TRIM69: variants seen among roughly 807,000 people sequenced by gnomAD.
TRIM69 encodes tripartite motif containing 69, also known as E3 ubiquitin-protein ligase TRIM69.
Under a neutral mutation model 37.7 loss-of-function variants are expected in TRIM69, and 29 were observed. The ratio of observed to expected loss-of-function variants is 0.77; its 90% confidence interval spans 0.57 to 1.05. TRIM69 has a LOEUF of 1.05. Ranked by LOEUF, TRIM69 falls within the 50% of genes least tolerant of loss-of-function variation. The pLI is 0.00. For synonymous variants in TRIM69, 209 were observed against 212.4 expected (o/e 0.98, Z 0.14); for missense variants, 596 against 579.9 (o/e 1.03, Z -0.28).
chr15:44,767,636 T>C lies in TRIM69; in HGVS notation c.1367T>C (p.Phe456Ser), dbSNP rs754577212. Residue 456 changes from phenylalanine (F) to serine (S), a missense_variant, in exon 7 of 7, where the codon TTC becomes TCC. By Grantham distance (155) the Phe-to-Ser change is radical. Transcript: ENST00000329464. The stretch of plus-strand genomic sequence containing the variant: ...GATTATGAAGGAGGACAGTTGTCCT[T>C]CTACAATGCTAAAACCATGACTCAC... Reference protein sequence around the residue: ...YLDYEGGQLSFYNAKTMTHIY... With the variant: ...YLDYEGGQLSSYNAKTMTHIY... 5 of 1,614,186 alleles carry C rather than the reference T, an allele frequency of 3.1e-6. No individual in the cohort carries two copies. The South Asian group carries it at 5.5e-5, about 18-fold the overall frequency.
intron 6 of TRIM69, among the ~76,000 whole-genome samples, chr15:44,760,298 T>G (rs1365940985): frequency 6.6e-6 from 1 of 152,200 alleles, no homozygotes; most frequent in Non-Finnish European, 1.5e-5. Context: ...TAGAAGATTG[T>G]TTAGATCTTC....
intron 6 of TRIM69, among the ~76,000 whole-genome samples, chr15:44,760,277 G>A (rs971401600): frequency 4.6e-5 from 7 of 152,134 alleles, no homozygotes; most frequent in Non-Finnish European, 8.8e-5. Context: ...TGTTCATAGC[G>A]TAGAACATTT....
At chr15:44,740,816 C>T (rs925851356) in intron 1 of TRIM69, among the ~76,000 whole-genome samples, 8 of 151,904 alleles carry the variant, frequency 5.3e-5, no homozygotes, top group African/African-American at 1.9e-4. Context: ...ATTCATAAAG[C>T]AAGTCCTGAG....
chr15:44,767,185 T>A, intron 6 of TRIM69, 46 bp from the exon 7 acceptor site: 1 of 1,513,878 alleles, frequency 6.6e-7, no homozygotes. Context: ...AATTTGTGTT[T>A]ACCCCCCTTT....
chr15:44,747,087 C>T (rs1032845218), intron 1 of TRIM69, among the ~76,000 whole-genome samples: 2 of 152,042 alleles, frequency 1.3e-5, no homozygotes, highest in African/African-American at 4.8e-5. Context: ...AGAAAGTACC[C>T]CATCCTGTTG....
In TRIM69 at chr15:44,758,640, A is replaced by G. The variant is rs762796085; in HGVS notation, c.599A>G (p.Gln200Arg). The G allele has an allele frequency of 4.3e-6, 7 of 1,614,178 alleles. No homozygotes were observed. The highest frequency in any genetic ancestry group is 3.3e-5 in the Admixed American group (2 of 60,010). The change falls in exon 4 of 7, where the codon CAG becomes CGG. Residue 200 changes from glutamine to arginine, a missense_variant. By Grantham distance (43) the Gln-to-Arg change is conservative (BLOSUM62 1). Transcript: ENST00000329464. ...TTCCAGGAAAACAAGCTACATCTGC[A>G]GCAACATGTGTCCATGGAGTTTCTA... The part of the protein sequence containing the change: ...AAHKENKLHL[Q>R]QHVSMEFLKL...
chr15:44,763,053 AC>A (rs2087811565), intron 6 of TRIM69, among the ~76,000 whole-genome samples: 1 of 152,214 alleles, frequency 6.6e-6, no homozygotes, highest in Non-Finnish European at 1.5e-5. Context: ...CAACTAATGA[AC>A]CAAATTGATA....
chr15:44,757,447 C>T (rs923972467), intron 3 of TRIM69: 7 of 152,100 alleles, frequency 4.6e-5, no homozygotes, highest in Admixed American at 6.5e-5. Flanking sequence ...AGTAACTTAT[C>T]CAAGTGAACT....
chr15:44,745,143 G>T (rs1022303741), intron 1 of TRIM69, among the ~76,000 whole-genome samples: 8 of 151,726 alleles, frequency 5.3e-5, no homozygotes, highest in Non-Finnish European at 1.2e-4. Flanking sequence ...GTGTAAGCAG[G>T]AACTGAGGAC....
chr15:44,759,519 G>C, intron 4 of TRIM69, 121 bp from the exon 5 acceptor site: 3 of 911,172 alleles, frequency 3.3e-6, no homozygotes, highest in Non-Finnish European at 5.2e-6. Flanking sequence ...AAGGATGAAA[G>C]AAGTTGGTAG....
At position 44,755,377 on chromosome 15, in the gene TRIM69, G is replaced by GTCTTCA. The variant is rs1364362820; in HGVS notation, c.483+2_483+3insCTTCAT. ...CTCTGATGCTGTCCATTTCTTCACG[G>GTCTTCA]TGGGTGAGCCCTGGGCCTTGAACAA... On this transcript the variant is annotated splice_donor_variant, in intron 2 of 6. Transcript: ENST00000329464. LOFTEE classifies it high-confidence loss of function. The GTCTTCA allele has an allele frequency of 6.2e-7, 1 of 1,607,184 alleles. No individual in the cohort carries two copies. Among genetic ancestry groups the GTCTTCA allele is most frequent in the East Asian group, 2.2e-5 (1 of 44,852 alleles).
At chr15:44,758,599 T>A in intron 3 of TRIM69, 22 bp from the exon 4 acceptor site, 1 of 1,613,156 alleles carries the variant, frequency 6.2e-7, no homozygotes, top group Non-Finnish European at 8.5e-7. Context: ...ATAACCATGG[T>A]GATAATCATG....
chr15:44,760,207 AG>A (rs1208611501), intron 6 of TRIM69, among the ~76,000 whole-genome samples: 4 of 152,280 alleles, frequency 2.6e-5, no homozygotes, highest in South Asian at 4.1e-4. Flanking sequence ...AAGAAGGAGG[AG>A]GTTTCTGAAC....
chr15:44,741,800 G>A (rs2087292631), intron 1 of TRIM69, among the ~76,000 whole-genome samples: 1 of 152,140 alleles, frequency 6.6e-6, no homozygotes, highest in Non-Finnish European at 1.5e-5. Flanking sequence ...ACCAATAACA[G>A]GCTCCGAAAT....
chr15:44,745,260 C>A (rs2087381315), intron 1 of TRIM69, among the ~76,000 whole-genome samples: 1 of 151,988 alleles, frequency 6.6e-6, no homozygotes, highest in Admixed American at 6.6e-5. Flanking sequence ...TGGGTTGATT[C>A]TAGGCATTTA....
At chr15:44,742,667 A>G (rs1409926341) in intron 1 of TRIM69, among the ~76,000 whole-genome samples, 10 of 28,912 alleles carry the variant, frequency 3.5e-4, no homozygotes, top group African/African-American at 5.8e-4. Flanking sequence ...ATTCTTATAC[A>G]CCAATAACAA....
chr15:44,745,584 A>G (rs1272952102), intron 1 of TRIM69, among the ~76,000 whole-genome samples: 1 of 152,186 alleles, frequency 6.6e-6, no homozygotes, highest in East Asian at 1.9e-4. Flanking sequence ...TGGACTCACT[A>G]GACAAAGATT....
chr15:44,764,998 A>G (rs895000029), intron 6 of TRIM69, among the ~76,000 whole-genome samples: 4 of 152,218 alleles, frequency 2.6e-5, no homozygotes, highest in Non-Finnish European at 5.9e-5. Context: ...GATGGTAAAC[A>G]TAAGAGTATG....
rs1293603216 is a variant in TRIM69, at chr15:44,759,842, TGGA to T, written c.934_936del (p.Arg312del). The T allele has an allele frequency of 6.2e-7, 1 of 1,614,000 alleles. No homozygotes were observed. The highest frequency in any genetic ancestry group is 2.2e-5 in the East Asian group (1 of 44,882). On this transcript the variant is annotated inframe_deletion, in exon 6 of 7. Coordinates refer to ENST00000329464, the MANE Select transcript of TRIM69 (RefSeq NM_182985.5). Reference sequence around the variant, plus strand: ...CAAAGGTCCTATCCAGTACATGGTATGGAGGGAAATGCAGGACACTCTCTGCCC... The same window carrying T: ...CAAAGGTCCTATCCAGTACATGGTATGGGAAATGCAGGACACTCTCTGCCC...
Sources: allele counts gnomAD v4.1 joint callset (sites outside exome capture counted in the v4.1 genomes callset), GRCh38; gene constraint gnomAD v4.1.1; transcripts MANE v1.5; gene names NCBI Gene and HGNC (gene_info 2026-07-23, HGNC 2026-07-21).